KIF24: variants seen among roughly 807,000 people sequenced by gnomAD.
KIF24 encodes the protein kinesin family member 24.
A neutral mutation model predicts 118.9 loss-of-function variants in KIF24; 81 were observed. The observed-to-expected ratio is 0.68, with a 90% confidence interval of 0.57 to 0.82. The LOEUF (loss-of-function observed/expected upper bound fraction) is 0.82, where lower values mean the gene tolerates loss of function less well. Ranked by LOEUF, KIF24 falls within the 40% of genes least tolerant of loss-of-function variation. The pLI is 0.00. For synonymous variants in KIF24, 599 were observed against 610.0 expected (o/e 0.98, Z 0.27); for missense variants, 1,560 against 1,661.6 (o/e 0.94, Z 1.06).
chr9:34,300,805 C>T (rs1836670346), intron 3 of KIF24, among the ~76,000 whole-genome samples: 1 of 139,724 alleles, frequency 7.2e-6, no homozygotes, highest in Admixed American at 7.5e-5. Context: ...AAGAAACCCA[C>T]TAGATCTATA....
At chr9:34,330,218 A>C (rs987953969), upstream of KIF24, among the ~76,000 whole-genome samples, 1 of 152,104 alleles carries the variant, frequency 6.6e-6, no homozygotes, top group Non-Finnish European at 1.5e-5. Context: ...CCTGGCTAAC[A>C]CGGTGAAACC....
At chr9:34,270,925 CCTGT>C (rs752426168) in intron 7 of KIF24, among the ~76,000 whole-genome samples, 3 of 150,332 alleles carry the variant, frequency 2.0e-5, no homozygotes, top group Non-Finnish European at 4.4e-5. Flanking sequence ...TCACATCCAC[CCTGT>C]CTCTTAAAAA....
Position 34,269,324 on chromosome 9 carries a change from G to T in KIF24, c.1376C>A (p.Ala459Glu). Residue 459 changes from alanine (A) to glutamate (E), a missense_variant, in exon 8 of 13, where the codon GCA becomes GAA. By Grantham distance (107) the Ala-to-Glu change is moderately radical. Transcript: ENST00000402558. ...FIDLAGSERAADARDSDRQTK... is the reference protein window; with the variant it reads ...FIDLAGSERAEDARDSDRQTK... Reference sequence around the variant, plus strand: ...CTGTCTATCTGAGTCCCTTGCATCTGCTGCTCTTTCACTGCCAGCCAAGTC... The same window carrying T: ...CTGTCTATCTGAGTCCCTTGCATCTTCTGCTCTTTCACTGCCAGCCAAGTC... 6.2e-7 allele frequency: 1 copy of T among 1,611,214 alleles called. No individual in the cohort carries two copies. The highest frequency in any genetic ancestry group is 8.5e-7 in the Non-Finnish European group (1 of 1,177,948).
chr9:34,302,655 G>A (rs760345166), intron 3 of KIF24, among the ~76,000 whole-genome samples: 7 of 151,474 alleles, frequency 4.6e-5, no homozygotes, highest in Non-Finnish European at 7.4e-5. Context: ...TAAAAGAGAC[G>A]GAGTTTCACC....
At chr9:34,307,670 C>T (rs1342963038) in intron 2 of KIF24, among the ~76,000 whole-genome samples, 12 of 151,712 alleles carry the variant, frequency 7.9e-5, no homozygotes, top group African/African-American at 2.9e-4. Flanking sequence ...CCTAGCACTT[C>T]GAGAGGCTGA....
chr9:34,292,780 C>T (rs1836304480), intron 4 of KIF24, among the ~76,000 whole-genome samples: 1 of 152,098 alleles, frequency 6.6e-6, no homozygotes, highest in East Asian at 1.9e-4. Flanking sequence ...CCGGCAGAGG[C>T]GGAGTTGGGA....
intron 5 of KIF24, among the ~76,000 whole-genome samples, chr9:34,289,447 C>T (rs929130750): frequency 6.6e-6 from 1 of 152,154 alleles, no homozygotes; most frequent in Non-Finnish European, 1.5e-5. Flanking sequence ...AGCCTCAATT[C>T]ACTCCTCCAA....
chr9:34,288,297 G>C (rs972305293), intron 5 of KIF24, among the ~76,000 whole-genome samples: 24 of 151,918 alleles, frequency 1.6e-4, no homozygotes, highest in Non-Finnish European at 2.9e-5. Context: ...AACAGCCTGG[G>C]TAAGTAACAT....
chr9:34,257,674 C>G lies in KIF24; in HGVS notation c.1933G>C (p.Ala645Pro). 1 of 1,614,060 alleles carries G rather than the reference C, an allele frequency of 6.2e-7. No homozygotes were observed. The highest frequency in any genetic ancestry group is 2.2e-5 in the East Asian group (1 of 44,888). Residue 645 changes from alanine to proline, a missense_variant, in exon 11 of 13, where the codon GCT becomes CCT. Ala to Pro is a conservative substitution (Grantham distance 27). Transcript: ENST00000402558. ...CGCACAGTTCCTTTCACAGGGCTAG[C>G]ATGAATGACCCACTCTTGTGAAGGA... The part of the protein sequence containing the change: ...GSPSQEWVIH[A>P]SPVKGTVRSG...
upstream of KIF24, among the ~76,000 whole-genome samples, chr9:34,329,902 C>G (rs956502064): frequency 8.5e-5 from 13 of 152,234 alleles, no homozygotes; most frequent in African/African-American, 3.1e-4. Flanking sequence ...GTTTAGGGCC[C>G]AGAGGCCCAG....
At chr9:34,284,452 A>G (rs1835963398) in intron 6 of KIF24, among the ~76,000 whole-genome samples, 1 of 152,120 alleles carries the variant, frequency 6.6e-6, no homozygotes, top group Non-Finnish European at 1.5e-5. Flanking sequence ...GTTTATTAAC[A>G]GGAGAATGGA....
At chr9:34,297,249 T>A (rs1836519542) in intron 3 of KIF24, 135 bp from the exon 4 acceptor site, 1 of 570,942 alleles carries the variant, frequency 1.8e-6, no homozygotes, top group African/African-American at 1.9e-5. Context: ...TAGAGGTAAA[T>A]AAGCAATCAC....
chr9:34,310,747 A>G lies in KIF24; in HGVS notation c.600T>C (p.Tyr200=). ...ACCTGATACAAGAATGAGGGATTCC[A>G]TAGTTATACCCTGAAACATGAGAGA... ...QRISHVSGYN[Y]GIPHSCIRQN... The change falls in exon 2 of 13, where the codon TAT becomes TAC. Residue 200 remains tyrosine, a synonymous_variant. Transcript: ENST00000402558. The G allele has an allele frequency of 6.3e-7, 1 of 1,596,824 alleles. No individual in the cohort carries two copies. The highest frequency in any genetic ancestry group is 8.5e-7 in the Non-Finnish European group (1 of 1,173,106).
At chr9:34,300,574 T>C (rs551411188) in intron 3 of KIF24, among the ~76,000 whole-genome samples, 18 of 152,260 alleles carry the variant, frequency 1.2e-4, no homozygotes, top group African/African-American at 3.9e-4. Flanking sequence ...TTCACCATGT[T>C]GGCCAGGCTG....
At chr9:34,260,451 G>A (rs1213147964) in intron 9 of KIF24, among the ~76,000 whole-genome samples, 1 of 152,112 alleles carries the variant, frequency 6.6e-6, no homozygotes, top group Non-Finnish European at 1.5e-5. Flanking sequence ...CTATCTTCGA[G>A]GGAAAAAGGT....
upstream of KIF24, among the ~76,000 whole-genome samples, chr9:34,329,269 G>C (rs1335379161): frequency 6.6e-6 from 1 of 152,226 alleles, no homozygotes; most frequent in East Asian, 1.9e-4. Context: ...CAGTTCGAAC[G>C]CCCGCGCTGT....
At chr9:34,286,748 C>T (rs752265341) in intron 5 of KIF24, 44 bp from the exon 6 acceptor site, 3 of 1,355,448 alleles carry the variant, frequency 2.2e-6, no homozygotes, top group Non-Finnish European at 1.1e-6. Flanking sequence ...GCTACTAAAA[C>T]AGACTTTGTT....
At chr9:34,303,771 C>G (rs1836812677) in intron 3 of KIF24, among the ~76,000 whole-genome samples, 1 of 152,150 alleles carries the variant, frequency 6.6e-6, no homozygotes, top group Non-Finnish European at 1.5e-5. Context: ...ATCATTTGAG[C>G]TCAGGAGATG....
intron 8 of KIF24, among the ~76,000 whole-genome samples, chr9:34,264,096 G>C (rs1382700513): frequency 6.6e-6 from 1 of 151,960 alleles, no homozygotes; most frequent in Admixed American, 6.6e-5. Context: ...TTCTATTTCT[G>C]AGTGATGCAT....
Sources: allele counts gnomAD v4.1 joint callset (sites outside exome capture counted in the v4.1 genomes callset), GRCh38; gene constraint gnomAD v4.1.1; transcripts MANE v1.5; gene names NCBI Gene and HGNC (gene_info 2026-07-23, HGNC 2026-07-21).